Variants in GPR157 observed in about 807,000 individuals in gnomAD.
GPR157 encodes the protein G protein-coupled receptor 157.
A neutral mutation model predicts 23.5 loss-of-function variants in GPR157; 16 were observed. That is an observed-to-expected ratio of 0.68 (90% CI 0.46 to 1.04). GPR157 has a LOEUF of 1.04. Ranked by LOEUF, GPR157 falls within the 50% of genes least tolerant of loss-of-function variation. GPR157 has a pLI of 0.00. For synonymous variants in GPR157, 200 were observed against 221.5 expected (o/e 0.90, Z 0.86); for missense variants, 440 against 460.7 (o/e 0.96, Z 0.41).
rs542569453 is a variant in GPR157, at chr1:9,101,862, T to C, written c.*2557A>G. The C allele has an allele frequency of 2.6e-5, 4 of 152,318 alleles. No individual in the cohort carries two copies. The East Asian group carries it at 7.7e-4, about 29-fold the overall frequency. 9.4% of individuals were successfully genotyped at this position (152,318 alleles called of 1,614,324 possible). The stretch of plus-strand genomic sequence containing the variant: ...ATCCTAACACTATTCCTCTGTGGCC[T>C]ATATTGTCTTTTCTCTTTTACCTGT... On this transcript the variant is annotated 3_prime_UTR_variant, in exon 4 of 4. Coordinates refer to ENST00000377411, the MANE Select transcript of GPR157 (RefSeq NM_024980.5).
chr1:9,106,089 C>A (rs1005437400), intron 2 of GPR157, among the ~76,000 whole-genome samples: 4 of 152,150 alleles, frequency 2.6e-5, no homozygotes, highest in African/African-American at 9.7e-5. Context: ...AAAATAGATG[C>A]AGGGTCTCCC....
chr1:9,114,838 C>T (rs1638599859), intron 1 of GPR157, among the ~76,000 whole-genome samples: 1 of 147,414 alleles, frequency 6.8e-6, no homozygotes, highest in Admixed American at 7.0e-5. Flanking sequence ...GGAGAATCAT[C>T]TGAACCTGAG....
chr1:9,108,425 G>A (rs1375617279), intron 2 of GPR157, among the ~76,000 whole-genome samples: 2 of 152,196 alleles, frequency 1.3e-5, no homozygotes, highest in Non-Finnish European at 2.9e-5. Flanking sequence ...CCTCAGCCCC[G>A]CAGGCTTCCT....
chr1:9,120,758 C>T lies in GPR157; in HGVS notation c.383+7887G>A, dbSNP rs1638781479. 6.6e-6 allele frequency among the ~76,000 whole-genome samples: 1 copy of T among 152,218 alleles called. No homozygotes were observed. The highest frequency in any genetic ancestry group is 1.5e-5 in the Non-Finnish European group (1 of 68,034). On this transcript the variant is annotated intron_variant, in intron 1 of 3. Coordinates refer to ENST00000377411, the MANE Select transcript of GPR157 (RefSeq NM_024980.5). This position sits in a 1 kb window ranked among gnomAD's most constrained non-coding sequence, Gnocchi z 4.1. Reference sequence around the variant, plus strand: ...CTCAGGGATGGGCAGCCTGAGTTCTCACACCTCCTGCCAAGTTGCTGGTGC... The same window carrying T: ...CTCAGGGATGGGCAGCCTGAGTTCTTACACCTCCTGCCAAGTTGCTGGTGC...
chr1:9,117,178 G>T (rs942065237), intron 1 of GPR157, among the ~76,000 whole-genome samples: 1 of 152,076 alleles, frequency 6.6e-6, no homozygotes, highest in African/African-American at 2.4e-5. Context: ...AATACTGGTC[G>T]TATCTAACAA....
chr1:9,105,697 A>T lies in GPR157; in HGVS notation c.598-17T>A, dbSNP rs1638300007. 2 of 1,583,630 alleles carry T rather than the reference A, an allele frequency of 1.3e-6. No homozygotes were observed. Among genetic ancestry groups the T allele is most frequent in the Admixed American group, 3.5e-5 (2 of 57,756 alleles). ...TGCCGTGTGCTGTGTGGGGACAGCG[A>T]GGGCAGACTTGAGTGGATAGGCACC... On this transcript the variant is annotated splice_polypyrimidine_tract_variant and intron_variant, in intron 2 of 3. Coordinates refer to ENST00000377411, the MANE Select transcript of GPR157 (RefSeq NM_024980.5). The surrounding 1 kb of genome is among the most constrained non-coding windows in gnomAD (Gnocchi z 4.8).
At chr1:9,115,183 T>C (rs1424777350) in intron 1 of GPR157, among the ~76,000 whole-genome samples, 1 of 152,176 alleles carries the variant, frequency 6.6e-6, no homozygotes, top group Non-Finnish European at 1.5e-5. Flanking sequence ...ATTTCACAAC[T>C]GGCTCTCCAG....
In GPR157 at chr1:9,123,312, T is replaced by C. The variant is rs373771105; in HGVS notation, c.383+5333A>G. 8.1e-3 allele frequency among the ~76,000 whole-genome samples: 164 copies of C among 20,370 alleles called. 2 individuals are homozygous for C. The highest frequency in any genetic ancestry group is 0.013 in the Non-Finnish European group (131 of 9,850). The allele number at this position is 20,370 out of a possible 152,430, so 13.4% of individuals were successfully genotyped here. Reference sequence around the variant, plus strand: ...AATTAATATATATTTAATTTAAATATATATTAAAATATATATATTTAATTT... The same window carrying C: ...AATTAATATATATTTAATTTAAATACATATTAAAATATATATATTTAATTT... On this transcript the variant is annotated intron_variant, in intron 1 of 3. Coordinates refer to ENST00000377411, the MANE Select transcript of GPR157 (RefSeq NM_024980.5).
chr1:9,123,548 TTTAAATATATA>T, intron 1 of GPR157, among the ~76,000 whole-genome samples: 1 of 16,794 alleles, frequency 6.0e-5, no homozygotes, highest in South Asian at 1.5e-3. Flanking sequence ...ATATATCTAA[TTTAAATATATA>T]TTTAAATATA....
chr1:9,100,658 T>C lies in GPR157; in HGVS notation c.*3761A>G, dbSNP rs571803898. On this transcript the variant is annotated 3_prime_UTR_variant, in exon 4 of 4. Coordinates refer to ENST00000377411, the MANE Select transcript of GPR157 (RefSeq NM_024980.5). ...CGGACACCGTTCCGGCTGCAGTACG[T>C]GTTATGGCTGAGGTTACACTTGGGT... 2.0e-4 allele frequency: 30 copies of C among 152,228 alleles called. No homozygotes were observed. The highest frequency in any genetic ancestry group is 7.2e-4 in the African/African-American group (30 of 41,522). 9.4% of individuals were successfully genotyped at this position (152,228 alleles called of 1,614,324 possible). A position where few individuals can be genotyped will look rare whatever the true frequency, so the allele number is the denominator to read the frequency against.
intron 1 of GPR157, among the ~76,000 whole-genome samples, chr1:9,123,174 A>AAAAAAAAATATAT (rs1553175764): frequency 2.2e-4 from 26 of 117,086 alleles, no homozygotes; most frequent in African/African-American, 8.5e-4. Context: ...AAAAAAAAAA[A>AAAAAAAAATATAT]ATATATATAT....
chr1:9,108,569 A>C (rs1349240657), intron 2 of GPR157, among the ~76,000 whole-genome samples: 1 of 152,200 alleles, frequency 6.6e-6, no homozygotes, highest in African/African-American at 2.4e-5. Flanking sequence ...GTGGAAAAGA[A>C]GAGGAGGTGA....
chr1:9,114,504 G>A (rs902581417), intron 1 of GPR157, among the ~76,000 whole-genome samples: 1 of 152,026 alleles, frequency 6.6e-6, no homozygotes, highest in Non-Finnish European at 1.5e-5. Flanking sequence ...TGGAGCTGGG[G>A]GTCACTCAAA....
intron 1 of GPR157, among the ~76,000 whole-genome samples, chr1:9,123,621 A>AT: frequency 3.5e-5 from 3 of 84,748 alleles, no homozygotes; most frequent in Non-Finnish European, 6.2e-5. Flanking sequence ...TTTAAAATTA[A>AT]ATATATTTTA....
At position 9,128,705 on chromosome 1, in the gene GPR157, A is replaced by T; in HGVS notation, c.323T>A (p.Ile108Asn). Reference sequence around the variant, plus strand: ...GCGAGGCCCGCGCGCGGCGCGGACGATGCTGAGGTACAAGTAGAGCGCAAT... The same window carrying T: ...GCGAGGCCCGCGCGCGGCGCGGACGTTGCTGAGGTACAAGTAGAGCGCAAT... Reference protein sequence around the residue: ...VAIALYLYLSIVRAARGPRTD... With the variant: ...VAIALYLYLSNVRAARGPRTD... Residue 108 changes from isoleucine (I) to asparagine (N), a missense_variant, in exon 1 of 4, where the codon ATC (isoleucine) becomes AAC (asparagine). Ile to Asn is a moderately radical substitution (Grantham distance 149, BLOSUM62 -3). Coordinates refer to ENST00000377411, the MANE Select transcript of GPR157 (RefSeq NM_024980.5). This position sits in a 1 kb window ranked among gnomAD's most constrained non-coding sequence, Gnocchi z 6.3. The T allele has an allele frequency of 3.1e-6, 5 of 1,613,282 alleles. No homozygotes were observed. The highest frequency in any genetic ancestry group is 3.4e-6 in the Non-Finnish European group (4 of 1,179,924).
In GPR157 at chr1:9,100,595, A is replaced by G. The variant is rs1006787687; in HGVS notation, c.*3824T>C. The stretch of plus-strand genomic sequence containing the variant: ...GGCTGGTAAACCTGGTTAAAAGACC[A>G]AAGTTCAGAAAGTGCATGGGAGAGG... On this transcript the variant is annotated 3_prime_UTR_variant, in exon 4 of 4. Coordinates refer to ENST00000377411, the MANE Select transcript of GPR157 (RefSeq NM_024980.5). 6.6e-6 allele frequency: 1 copy of G among 152,270 alleles called. No homozygotes were observed. Among genetic ancestry groups the G allele is most frequent in the African/African-American group, 2.4e-5 (1 of 41,462 alleles). 9.4% of individuals were successfully genotyped at this position (152,270 alleles called of 1,614,324 possible).
chr1:9,121,717 C>T (rs563766130), intron 1 of GPR157, among the ~76,000 whole-genome samples: 3 of 152,242 alleles, frequency 2.0e-5, no homozygotes, highest in Admixed American at 6.5e-5. Flanking sequence ...CTTTTTGCTA[C>T]GTTGGGACTT....
rs374315465 is a variant in GPR157, at chr1:9,105,515, C to A, written c.763G>T (p.Val255Leu). 3 of 1,582,426 alleles carry A rather than the reference C, an allele frequency of 1.9e-6. No individual in the cohort carries two copies. Among genetic ancestry groups the A allele is most frequent in the African/African-American group, 2.7e-5 (2 of 74,754 alleles). The change falls in exon 3 of 4, where the codon GTG (valine) becomes TTG (leucine). Residue 255 changes from valine (V) to leucine (L), a missense_variant. Val to Leu is a conservative substitution (Grantham distance 32). Coordinates refer to ENST00000377411, the MANE Select transcript of GPR157 (RefSeq NM_024980.5). The surrounding 1 kb of genome is among the most constrained non-coding windows in gnomAD (Gnocchi z 4.8). ...FVLTLCGSPA[V>L]QTPVLVVLHG... Reference sequence around the variant, plus strand: ...AGAACCACCAGCACCGGCGTCTGCACGGCCGGGGAGCCACAGAGGGTCAGC... The same window carrying A: ...AGAACCACCAGCACCGGCGTCTGCAAGGCCGGGGAGCCACAGAGGGTCAGC...
rs201336184 is a variant in GPR157, at chr1:9,104,136, CCACAG to C, written c.*278_*282del. The C allele has an allele frequency of 4.6e-3, 1,976 of 430,186 alleles. 32 individuals are homozygous for C. Among genetic ancestry groups the C allele is most frequent in the African/African-American group, 0.032 (1,599 of 50,674 alleles). The allele number at this position is 430,186 out of a possible 1,614,324, so 26.6% of individuals were successfully genotyped here. On this transcript the variant is annotated 3_prime_UTR_variant, in exon 4 of 4. Transcript: ENST00000377411. ...GGTCCACTGGGTGGGGGCACTGTGG[CCACAG>C]CTGTGGGCCACCGGCTTCCCGAATC... is the stretch of plus-strand genomic sequence containing the variant.
Sources: gnomAD v4.1 joint callset for allele counts (sites outside exome capture counted in the v4.1 genomes callset) on GRCh38, gnomAD v4.1.1 for gene constraint, Gnocchi (gnomAD v3.1) non-coding constraint, MANE v1.5 for transcripts, NCBI Gene and HGNC (gene_info 2026-07-23, HGNC 2026-07-21) for gene names.